Variants in PLAC1 observed in about 807,000 individuals in gnomAD.
The protein encoded by PLAC1 is placenta associated 1.
For missense variants in PLAC1, 136 were observed against 163.2 expected, an observed-to-expected ratio of 0.83 and a Z score of 0.91; for synonymous variants, 68 against 62.1, an observed-to-expected ratio of 1.09 and a Z score of -0.44.
intron 2 of PLAC1, among the ~76,000 whole-genome samples, chrX:134,682,714 C>T (rs772893787): frequency 1.9e-3 from 206 of 110,832 alleles, no homozygotes; most frequent in African/African-American, 6.4e-3. Flanking sequence ...CACCACCACG[C>T]CCAGCTAATT....
chrX:134,717,133 A>G (rs1485506022), intron 2 of PLAC1, among the ~76,000 whole-genome samples: 1 of 112,121 alleles, frequency 8.9e-6, no homozygotes, highest in African/African-American at 3.2e-5. Context: ...CTATGGGTAA[A>G]GATGGTAGAA....
At chrX:134,585,175 C>CAAAAAAGAAAAAA (rs2077993470) in intron 2 of PLAC1, among the ~76,000 whole-genome samples, 1 of 33,492 alleles carries the variant, frequency 3.0e-5, no homozygotes, top group Admixed American at 5.0e-4. Context: ...ACTAAAAGTA[C>CAAAAAAGAAAAAA]AAAAAAAAAA....
chrX:134,583,829 C>T (rs761249688), intron 2 of PLAC1, among the ~76,000 whole-genome samples: 8 of 110,450 alleles, frequency 7.2e-5, no homozygotes, highest in Admixed American at 2.9e-4. Context: ...CCTACAGAGA[C>T]GAGTTTTGGA....
chrX:134,734,180 A>C (rs919196676), intron 1 of PLAC1, among the ~76,000 whole-genome samples: 1 of 112,569 alleles, frequency 8.9e-6, no homozygotes, highest in Non-Finnish European at 1.9e-5. Context: ...AGCCCTCTCA[A>C]ATGTGTTGTT....
At chrX:134,570,777 C>T (rs2077904119) in intron 2 of PLAC1, among the ~76,000 whole-genome samples, 1 of 111,748 alleles carries the variant, frequency 8.9e-6, no homozygotes, top group South Asian at 3.8e-4. Context: ...AAGTAGCTTT[C>T]TGTTTTTTTG....
intron 2 of PLAC1, among the ~76,000 whole-genome samples, chrX:134,708,808 G>A (rs1310789063): frequency 9.0e-6 from 1 of 111,614 alleles, no homozygotes; most frequent in Non-Finnish European, 1.9e-5. Context: ...AAAGTGCTGG[G>A]ATTACAGGTG....
intron 2 of PLAC1, among the ~76,000 whole-genome samples, chrX:134,720,238 A>G (rs766172271): frequency 8.9e-6 from 1 of 112,294 alleles, no homozygotes; most frequent in South Asian, 3.7e-4. Context: ...AAACAATTCT[A>G]TTTGCAATAA....
At position 134,743,551 on chromosome X, in the gene PLAC1, A is replaced by C. The variant is rs1024078878; in HGVS notation, n.90-10032T>G. On this transcript the variant is annotated intron_variant and non_coding_transcript_variant, in intron 1 of 2. Transcript: ENST00000466797. Reference sequence around the variant, plus strand: ...TAATTTAATTAGAAAATAAAGACGTAGTAAAAAACCAAAAGAAACATAAGT... The same window carrying C: ...TAATTTAATTAGAAAATAAAGACGTCGTAAAAAACCAAAAGAAACATAAGT... Among the ~76,000 whole-genome samples the C allele has an allele frequency of 1.2e-3, 134 of 112,264 alleles. 1 individual carries two copies. The highest frequency in any genetic ancestry group is 4.2e-3 in the African/African-American group (130 of 30,930).
intron 1 of PLAC1, among the ~76,000 whole-genome samples, chrX:134,743,068 A>T (rs1479555275): frequency 8.9e-6 from 1 of 112,315 alleles, no homozygotes; most frequent in Non-Finnish European, 1.9e-5. Context: ...AAGAAAAACC[A>T]TGCTCAAGGA....
chrX:134,762,900 A>ATTTG (rs2078774029), intron 1 of PLAC1, among the ~76,000 whole-genome samples: 2 of 108,948 alleles, frequency 1.8e-5, no homozygotes, highest in African/African-American at 3.3e-5. Context: ...AAACTATTAC[A>ATTTG]TTATAGATGA....
Position 134,566,667 on chromosome X carries a change from A to T in PLAC1, c.16T>A (p.Phe6Ile). 8.4e-7 allele frequency: 1 copy of T among 1,189,945 alleles called. No homozygotes were observed. The highest frequency in any genetic ancestry group is 1.1e-6 in the Non-Finnish European group (1 of 880,728). The change falls in exon 3 of 3, where the codon TTC (phenylalanine) becomes ATC (isoleucine). Residue 6 changes from phenylalanine to isoleucine, a missense_variant. Phe to Ile is a conservative substitution (Grantham distance 21). Transcript: ENST00000359237. Reference protein sequence around the residue: MKVFKFIGLMILLTSA... With the variant: MKVFKIIGLMILLTSA... Reference sequence around the variant, plus strand: ...GTGAGGAGGATCATCAGTCCTATGAACTTAAAAACTTTCATCCCTGCAGCC... The same window carrying T: ...GTGAGGAGGATCATCAGTCCTATGATCTTAAAAACTTTCATCCCTGCAGCC...
intron 1 of PLAC1, among the ~76,000 whole-genome samples, chrX:134,611,184 C>G (rs1336330450): frequency 9.0e-6 from 1 of 111,003 alleles, no homozygotes. Flanking sequence ...TTGGCCTATA[C>G]TTTTATGATA....
At chrX:134,611,907 C>G (rs765917903) in intron 1 of PLAC1, among the ~76,000 whole-genome samples, 1 of 111,471 alleles carries the variant, frequency 9.0e-6, no homozygotes, top group South Asian at 3.8e-4. Context: ...CTGTCAGCCT[C>G]TGGCTCTTGG....
intron 1 of PLAC1, among the ~76,000 whole-genome samples, chrX:134,650,638 A>G (rs1419037772): frequency 8.9e-6 from 1 of 112,345 alleles, no homozygotes; most frequent in Non-Finnish European, 1.9e-5. Context: ...GAATAAACAA[A>G]TATCTATTTA....
At chrX:134,708,046 G>A (rs1207717902) in intron 2 of PLAC1, among the ~76,000 whole-genome samples, 1 of 111,761 alleles carries the variant, frequency 8.9e-6, no homozygotes, top group Non-Finnish European at 1.9e-5. Context: ...ACACAGGAAG[G>A]CAAGAAAATG....
chrX:134,584,992 A>G (rs1276895859), intron 2 of PLAC1, among the ~76,000 whole-genome samples: 1 of 110,581 alleles, frequency 9.0e-6, no homozygotes, highest in African/African-American at 3.3e-5. Flanking sequence ...AGGAATCAGA[A>G]AAACGGGGCA....
intron 1 of PLAC1, among the ~76,000 whole-genome samples, chrX:134,746,020 C>T (rs1448252555): frequency 9.0e-6 from 1 of 111,690 alleles, no homozygotes; most frequent in Non-Finnish European, 1.9e-5. Flanking sequence ...CCCCTCCCCA[C>T]CTCTCCCTTG....
intron 2 of PLAC1, among the ~76,000 whole-genome samples, chrX:134,704,372 A>T (rs1345472157): frequency 1.9e-5 from 2 of 106,718 alleles, no homozygotes; most frequent in African/African-American, 3.4e-5. Context: ...GCATGCCTGT[A>T]ATCCCAGCTA....
chrX:134,624,166 C>T (rs1352360426), intron 1 of PLAC1, among the ~76,000 whole-genome samples: 1 of 111,815 alleles, frequency 8.9e-6, no homozygotes, highest in Non-Finnish European at 1.9e-5. Context: ...TTTAAGCCAA[C>T]CCTACAAAGG....
Sources: gnomAD v4.1 joint callset for allele counts (sites outside exome capture counted in the v4.1 genomes callset) on GRCh38, gnomAD v4.1.1 for gene constraint, MANE v1.5 for transcripts, NCBI Gene and HGNC (gene_info 2026-07-23, HGNC 2026-07-21) for gene names.